Variants in DISC1 observed in about 807,000 individuals in gnomAD.
DISC1 encodes the protein disrupted in schizophrenia 1 protein.
A neutral mutation model predicts 84.5 loss-of-function variants in DISC1; 57 were observed. That is an observed-to-expected ratio of 0.67 (90% CI 0.55 to 0.84). The LOEUF (loss-of-function observed/expected upper bound fraction) is 0.84. Among genes scored for constraint, DISC1 ranks in the 40% least tolerant of loss-of-function variants. The probability of loss-of-function intolerance (pLI) is 0.00; values close to 1 mark genes in which losing one functional copy is unlikely to be tolerated. For synonymous variants in DISC1, 411 were observed against 415.2 expected (o/e 0.99, Z 0.12); for missense variants, 1,000 against 1,057.8 (o/e 0.95, Z 0.76).
chr1:231,916,787 A>T (rs1572040673), intron 9 of DISC1, among the ~76,000 whole-genome samples: 1 of 152,188 alleles, frequency 6.6e-6, no homozygotes, highest in East Asian at 1.9e-4. Flanking sequence ...GTTTGGCTCC[A>T]GTGGCTAAAC....
chr1:231,875,845 A>T (rs999708), intron 9 of DISC1, among the ~76,000 whole-genome samples: 3 of 151,932 alleles, frequency 2.0e-5, no homozygotes, highest in Non-Finnish European at 4.4e-5. Flanking sequence ...AATTGGGGCC[A>T]CAAATAAAGA....
intron 9 of DISC1, among the ~76,000 whole-genome samples, chr1:231,925,310 C>T (rs2090302556): frequency 6.6e-6 from 1 of 152,146 alleles, no homozygotes; most frequent in African/African-American, 2.4e-5. Context: ...ACAGAACTAC[C>T]ACCTGCATGG....
chr1:231,929,258 A>G (rs2090515899), intron 9 of DISC1, among the ~76,000 whole-genome samples: 1 of 152,150 alleles, frequency 6.6e-6, no homozygotes, highest in Admixed American at 6.5e-5. Context: ...GGGTGCAGAT[A>G]TATTTAGGAT....
chr1:231,762,445 C>T (rs1222173500), intron 4 of DISC1, among the ~76,000 whole-genome samples: 3 of 151,546 alleles, frequency 2.0e-5, no homozygotes, highest in Non-Finnish European at 4.4e-5. Flanking sequence ...AGTGATCCTG[C>T]CACTTCAGCC....
chr1:231,788,513 A>G (rs2078062335), intron 6 of DISC1, among the ~76,000 whole-genome samples: 1 of 152,150 alleles, frequency 6.6e-6, no homozygotes, highest in Admixed American at 6.6e-5. Context: ...TACATTTGCA[A>G]CAACCCTATT....
intron 6 of DISC1, among the ~76,000 whole-genome samples, chr1:231,792,801 C>T (rs1395176785): frequency 1.3e-5 from 2 of 152,184 alleles, no homozygotes; most frequent in Admixed American, 1.3e-4. Flanking sequence ...CTCAAAAGAT[C>T]CAATCCCTGG....
intron 1 of DISC1, among the ~76,000 whole-genome samples, chr1:231,664,049 T>TCCAC: frequency 6.6e-6 from 1 of 151,510 alleles, no homozygotes; most frequent in Middle Eastern, 3.4e-3. Context: ...TATCCATCCA[T>TCCAC]CCATCCATCC....
At position 231,790,924 on chromosome 1, in the gene DISC1, G is replaced by A. The variant is rs142753116; in HGVS notation, c.1635-4318G>A. On this transcript the variant is annotated intron_variant, in intron 6 of 12. Transcript: ENST00000439617. ...TTGAAAAGCCCTATCTCCAAACATC[G>A]TCACATTCTTAGGTACTGGGGATTC... is the stretch of plus-strand genomic sequence containing the variant. Among the ~76,000 whole-genome samples, 568 of 152,180 alleles carry A rather than the reference G, an allele frequency of 3.7e-3. 2 individuals carry two copies. Among genetic ancestry groups the A allele is most frequent in the African/African-American group, 0.012 (514 of 41,506 alleles).
chr1:231,903,060 T>C (rs2088315641), intron 9 of DISC1, among the ~76,000 whole-genome samples: 1 of 144,984 alleles, frequency 6.9e-6, no homozygotes, highest in African/African-American at 2.5e-5. Context: ...CCACCTTTTC[T>C]CTCTCTCATT....
intron 1 of DISC1, among the ~76,000 whole-genome samples, chr1:231,631,296 A>C (rs1279190802): frequency 1.3e-5 from 2 of 152,230 alleles, no homozygotes; most frequent in East Asian, 1.9e-4. Context: ...CACATATGTG[A>C]GAGTGGTCCC....
intron 9 of DISC1, among the ~76,000 whole-genome samples, chr1:231,846,099 C>T (rs200836459): frequency 5.3e-5 from 8 of 152,084 alleles, no homozygotes; most frequent in Non-Finnish European, 8.8e-5. Flanking sequence ...GGTAGAGCCA[C>T]GTTAGGGACG....
At chr1:231,893,494 A>C (rs1333685050) in intron 9 of DISC1, among the ~76,000 whole-genome samples, 1 of 152,230 alleles carries the variant, frequency 6.6e-6, no homozygotes. Context: ...AATGTAGTAT[A>C]ACAAACAGCC....
intron 9 of DISC1, among the ~76,000 whole-genome samples, chr1:231,952,751 ATTTAT>A (rs372991444): frequency 2.6e-4 from 39 of 149,558 alleles, no homozygotes; most frequent in East Asian, 2.3e-3. Flanking sequence ...CACAATGTAG[ATTTAT>A]TTTATGCTGA....
intron 9 of DISC1, among the ~76,000 whole-genome samples, chr1:231,910,651 G>A (rs2089123731): frequency 6.6e-6 from 1 of 152,112 alleles, no homozygotes; most frequent in Non-Finnish European, 1.5e-5. Context: ...TGTATATTCT[G>A]TTGATTTGGG....
intron 1 of DISC1, among the ~76,000 whole-genome samples, chr1:231,642,235 C>T (rs2059775474): frequency 6.6e-6 from 1 of 152,218 alleles, no homozygotes; most frequent in South Asian, 2.1e-4. Flanking sequence ...ACCCGGAACT[C>T]GCGCTGGCCC....
At chr1:231,771,718 C>G in intron 6 of DISC1, 6 of 326,124 alleles carry the variant, frequency 1.8e-5, no homozygotes, top group Non-Finnish European at 2.2e-5. Context: ...GCCCGGTCTT[C>G]TCCACTCTAC....
chr1:231,889,686 A>C (rs985558361), intron 9 of DISC1, among the ~76,000 whole-genome samples: 5 of 151,932 alleles, frequency 3.3e-5, no homozygotes, highest in African/African-American at 1.2e-4. Context: ...AGTTTCTGAC[A>C]CTCAATCTAG....
intron 1 of DISC1, among the ~76,000 whole-genome samples, chr1:231,682,143 T>C (rs2063760693): frequency 6.6e-6 from 1 of 152,148 alleles, no homozygotes; most frequent in African/African-American, 2.4e-5. Flanking sequence ...TTTTTAGAAA[T>C]GTGCTGTTAG....
At chr1:231,865,049 C>G (rs1203189023) in intron 9 of DISC1, among the ~76,000 whole-genome samples, 1 of 152,154 alleles carries the variant, frequency 6.6e-6, no homozygotes, top group Non-Finnish European at 1.5e-5. Context: ...CACGGAAGGA[C>G]TTTAGAGATC....
Sources: gnomAD v4.1 joint callset for allele counts (sites outside exome capture counted in the v4.1 genomes callset) on GRCh38, gnomAD v4.1.1 for gene constraint, MANE v1.5 for transcripts, NCBI Gene and HGNC (gene_info 2026-07-23, HGNC 2026-07-21) for gene names.